The following PAM variants were observed in gnomAD, a reference collection of about 807,000 sequenced individuals.
PAM encodes peptidylglycine alpha-amidating monooxygenase.
PAM carries 72 observed loss-of-function variants against 122.1 expected under a neutral mutation model. The ratio of observed to expected loss-of-function variants is 0.59; its 90% CI spans 0.49 to 0.72. PAM has a LOEUF of 0.72. Ranked by LOEUF, PAM falls within the 30% of genes least tolerant of loss-of-function variation. PAM has a pLI of 0.00. For missense variants in PAM, 1,106 were observed against 1,183.7 expected, an observed-to-expected ratio of 0.93 and a Z score of 0.96; for synonymous variants, 389 against 404.4, an observed-to-expected ratio of 0.96 and a Z score of 0.46.
chr5:102,853,966 C>T (rs1408680580), intron 1 of PAM, among the ~76,000 whole-genome samples: 1 of 152,172 alleles, frequency 6.6e-6, no homozygotes, highest in Admixed American at 6.5e-5. Context: ...TCAGCTTAGC[C>T]TTTATGTATT....
intron 1 of PAM, among the ~76,000 whole-genome samples, chr5:102,789,962 G>A (rs1245006345): frequency 6.6e-6 from 1 of 151,708 alleles, no homozygotes; most frequent in African/African-American, 2.4e-5. Context: ...ACTAAATTTG[G>A]GAAAAATACA....
At chr5:103,009,723 G>T in intron 20 of PAM, 28 bp from the exon 21 acceptor site, 2 of 1,202,190 alleles carry the variant, frequency 1.7e-6, no homozygotes, top group South Asian at 2.4e-5. Context: ...ATATTTTAAA[G>T]AAAGGTTAAC....
intron 15 of PAM, among the ~76,000 whole-genome samples, chr5:102,975,281 C>G (rs1005518948): frequency 2.0e-5 from 3 of 152,180 alleles, no homozygotes; most frequent in Non-Finnish European, 4.4e-5. Flanking sequence ...GCACAGGCTG[C>G]CAGCTTGATG....
At chr5:102,919,258 TTA>T (rs138385927) in intron 5 of PAM, among the ~76,000 whole-genome samples, 9 of 150,282 alleles carry the variant, frequency 6.0e-5, no homozygotes, top group Admixed American at 6.7e-5. Flanking sequence ...AGATAAAACA[TTA>T]TATATATATA....
intron 1 of PAM, among the ~76,000 whole-genome samples, chr5:102,761,886 A>G (rs756187079): frequency 6.6e-6 from 1 of 152,204 alleles, no homozygotes; most frequent in Non-Finnish European, 1.5e-5. Flanking sequence ...TGTTATTTAC[A>G]TTACTAATTA....
intron 21 of PAM, among the ~76,000 whole-genome samples, chr5:103,012,044 G>C (rs1780780949): frequency 6.6e-6 from 1 of 152,114 alleles, no homozygotes; most frequent in African/African-American, 2.4e-5. Context: ...ATGTCTGTTT[G>C]CCATTTGTAT....
intron 5 of PAM, among the ~76,000 whole-genome samples, chr5:102,914,297 T>G (rs749879965): frequency 1.3e-5 from 2 of 151,916 alleles, no homozygotes; most frequent in African/African-American, 2.4e-5. Flanking sequence ...CAAAAGGGGC[T>G]GGGAGAGAAG....
chr5:103,017,805 T>C (rs1782463319), intron 22 of PAM, among the ~76,000 whole-genome samples: 1 of 152,168 alleles, frequency 6.6e-6, no homozygotes, highest in South Asian at 2.1e-4. Flanking sequence ...CTGCTGAGCA[T>C]CTAGAGATAC....
chr5:102,911,929 T>C (rs1343166445), intron 4 of PAM, among the ~76,000 whole-genome samples: 1 of 151,962 alleles, frequency 6.6e-6, no homozygotes, highest in Non-Finnish European at 1.5e-5. Flanking sequence ...TTACCCTTTC[T>C]GGTACTTTCA....
intron 1 of PAM, among the ~76,000 whole-genome samples, chr5:102,863,535 AT>A (rs1784708514): frequency 6.6e-6 from 1 of 151,922 alleles, no homozygotes; most frequent in African/African-American, 2.4e-5. Flanking sequence ...TAGAGTTCTC[AT>A]CTCCCTTAAT....
intron 14 of PAM, among the ~76,000 whole-genome samples, chr5:102,962,316 T>C (rs1404055526): frequency 6.6e-6 from 1 of 151,760 alleles, no homozygotes; most frequent in Non-Finnish European, 1.5e-5. Flanking sequence ...GGCTGAGTAA[T>C]TTAAAATAGC....
chr5:102,846,334 T>A (rs371352683), intron 1 of PAM, among the ~76,000 whole-genome samples: 19 of 152,340 alleles, frequency 1.2e-4, no homozygotes, highest in South Asian at 1.0e-3. Flanking sequence ...CCTTTGTGCA[T>A]TGGCTCCTGC....
At chr5:102,797,076 T>TA (rs1469869984) in intron 1 of PAM, among the ~76,000 whole-genome samples, 2 of 152,186 alleles carry the variant, frequency 1.3e-5, no homozygotes, top group Non-Finnish European at 1.5e-5. Context: ...GCTTCTTCTG[T>TA]AAAAAACAGA....
intron 24 of PAM, among the ~76,000 whole-genome samples, chr5:103,027,510 T>C (rs899029675): frequency 3.3e-5 from 5 of 152,126 alleles, no homozygotes; most frequent in South Asian, 4.1e-4. Context: ...ATGAAACCCA[T>C]TGGGAGTTCT....
At chr5:102,767,401 T>C (rs1032773821) in intron 1 of PAM, among the ~76,000 whole-genome samples, 19 of 152,188 alleles carry the variant, frequency 1.2e-4, no homozygotes, top group Non-Finnish European at 5.9e-5. Context: ...TGGCCTCTTA[T>C]TCTGGTGTTA....
At chr5:103,026,841 G>C (rs1016020785) in intron 24 of PAM, among the ~76,000 whole-genome samples, 1 of 152,180 alleles carries the variant, frequency 6.6e-6, no homozygotes, top group Non-Finnish European at 1.5e-5. Context: ...GGGGCCTAGG[G>C]GAAGGTGGCA....
chr5:102,899,809 CT>C (rs1024714043), intron 3 of PAM, among the ~76,000 whole-genome samples: 1 of 151,554 alleles, frequency 6.6e-6, no homozygotes, highest in African/African-American at 2.4e-5. Context: ...GGGAGGAGAC[CT>C]TTTAGAAGCT....
chr5:102,930,657 CT>C (rs1751168817), intron 7 of PAM, among the ~76,000 whole-genome samples: 1 of 152,126 alleles, frequency 6.6e-6, no homozygotes. Flanking sequence ...TCAGAATGCT[CT>C]TCAGTCAAGC....
intron 1 of PAM, among the ~76,000 whole-genome samples, chr5:102,842,913 A>G (rs1348297029): frequency 6.6e-6 from 1 of 152,220 alleles, no homozygotes; most frequent in Non-Finnish European, 1.5e-5. Flanking sequence ...TAAATTCGCC[A>G]TAATCTAGAG....
Sources: gnomAD v4.1 joint callset for allele counts (sites outside exome capture counted in the v4.1 genomes callset) on GRCh38, gnomAD v4.1.1 for gene constraint, MANE v1.5 for transcripts, NCBI Gene and HGNC (gene_info 2026-07-23, HGNC 2026-07-21) for gene names.